The following GRID2 variants were observed in gnomAD, a reference collection of about 807,000 sequenced individuals.
GRID2 encodes glutamate ionotropic receptor delta type subunit 2.
Under a neutral mutation model 114.8 loss-of-function variants are expected in GRID2, and 33 were observed. The ratio of observed to expected loss-of-function variants is 0.29; its 90% confidence interval spans 0.22 to 0.38. The LOEUF (loss-of-function observed/expected upper bound fraction) is 0.38, where lower values mean the gene tolerates loss of function less well. GRID2 is among the 10% of genes least tolerant of loss of function. The probability of loss-of-function intolerance (pLI) is 1.00; values close to 1 mark genes in which losing one functional copy is unlikely to be tolerated. For synonymous variants in GRID2, 505 were observed against 449.9 expected (o/e 1.12, Z -1.55); for missense variants, 1,184 against 1,257.7 (o/e 0.94, Z 0.89).
intron 1 of GRID2, among the ~76,000 whole-genome samples, chr4:93,788,791 T>C (rs1031331101): frequency 6.6e-6 from 1 of 152,208 alleles, no homozygotes; most frequent in African/African-American, 2.4e-5. Context: ...CAGCACTTCA[T>C]CAATATCACT....
chr4:93,557,682 G>A (rs1480886532), intron 13 of GRID2, among the ~76,000 whole-genome samples: 4 of 152,132 alleles, frequency 2.6e-5, no homozygotes, highest in African/African-American at 9.7e-5. Context: ...ACATCAACAG[G>A]ACAGAAAGTT....
intron 2 of GRID2, among the ~76,000 whole-genome samples, chr4:92,831,199 T>C (rs1742077036): frequency 1.3e-5 from 2 of 152,194 alleles, no homozygotes; most frequent in South Asian, 4.1e-4. Context: ...AATATCATCA[T>C]TTTATGTCTA....
At chr4:93,115,525 G>T (rs1272043045) in intron 4 of GRID2, among the ~76,000 whole-genome samples, 1 of 151,876 alleles carries the variant, frequency 6.6e-6, no homozygotes, top group Non-Finnish European at 1.5e-5. Context: ...TGAGACATAC[G>T]ATGTGTTCCT....
intron 1 of GRID2, among the ~76,000 whole-genome samples, chr4:92,559,252 C>T (rs1171757090): frequency 2.6e-5 from 4 of 152,128 alleles, no homozygotes; most frequent in Admixed American, 6.6e-5. Context: ...AAACATCAGA[C>T]TATCAAATAT....
At chr4:93,037,467 G>T (rs919183319) in intron 2 of GRID2, among the ~76,000 whole-genome samples, 1 of 152,028 alleles carries the variant, frequency 6.6e-6, no homozygotes. Context: ...ATCTATTTTG[G>T]CTTTTGTTGC....
chr4:92,514,479 A>G (rs563196570), intron 1 of GRID2, among the ~76,000 whole-genome samples: 2 of 151,996 alleles, frequency 1.3e-5, no homozygotes, highest in Admixed American at 1.3e-4. Flanking sequence ...AACTAAATGA[A>G]AAGAAAGTCT....
At chr4:93,126,872 C>A (rs1734328377) in intron 4 of GRID2, among the ~76,000 whole-genome samples, 1 of 152,122 alleles carries the variant, frequency 6.6e-6, no homozygotes, top group Admixed American at 6.5e-5. Flanking sequence ...GCTGGGATTA[C>A]AGGCGTGAGC....
intron 2 of GRID2, among the ~76,000 whole-genome samples, chr4:92,684,605 T>C (rs1733811454): frequency 6.6e-6 from 1 of 152,042 alleles, no homozygotes; most frequent in Non-Finnish European, 1.5e-5. Flanking sequence ...ATTCCAATTA[T>C]TTGTATTTAG....
intron 1 of GRID2, among the ~76,000 whole-genome samples, chr4:92,560,160 TGGA>T (rs1358191561): frequency 6.6e-6 from 1 of 152,166 alleles, no homozygotes; most frequent in Non-Finnish European, 1.5e-5. Context: ...AGGATAAATG[TGGA>T]GAAGAAAGGA....
intron 6 of GRID2, among the ~76,000 whole-genome samples, chr4:93,222,441 A>G (rs948089298): frequency 6.6e-6 from 1 of 151,152 alleles, no homozygotes; most frequent in South Asian, 2.1e-4. Context: ...TGCTACCCCA[A>G]CAATCTTTTT....
At chr4:93,465,173 C>A (rs1724147921) in intron 11 of GRID2, among the ~76,000 whole-genome samples, 1 of 152,224 alleles carries the variant, frequency 6.6e-6, no homozygotes, top group Middle Eastern at 3.4e-3. Flanking sequence ...ATGGAATTCA[C>A]AGATATCCTG....
chr4:93,672,204 C>T (rs1364187220), intron 14 of GRID2, among the ~76,000 whole-genome samples: 3 of 152,158 alleles, frequency 2.0e-5, no homozygotes, highest in East Asian at 1.9e-4. Flanking sequence ...CCCATAATTC[C>T]CTGCTCAAAC....
intron 2 of GRID2, among the ~76,000 whole-genome samples, chr4:92,739,403 CA>C (rs1736761429): frequency 6.6e-6 from 1 of 152,080 alleles, no homozygotes; most frequent in Non-Finnish European, 1.5e-5. Flanking sequence ...TGTCTTTAAA[CA>C]CACTTTAAAC....
At chr4:93,438,307 G>A (rs1264375825) in intron 10 of GRID2, among the ~76,000 whole-genome samples, 2 of 152,132 alleles carry the variant, frequency 1.3e-5, no homozygotes, top group African/African-American at 4.8e-5. Context: ...GGGCCGAATG[G>A]CAGCTTCTGC....
At chr4:93,163,598 C>G (rs1189000287) in intron 4 of GRID2, among the ~76,000 whole-genome samples, 1 of 147,892 alleles carries the variant, frequency 6.8e-6, no homozygotes, top group African/African-American at 2.5e-5. Context: ...AAAAATTTAG[C>G]AGAATTTAAA....
At chr4:92,717,624 A>C (rs1186391405) in intron 2 of GRID2, among the ~76,000 whole-genome samples, 2 of 152,206 alleles carry the variant, frequency 1.3e-5, no homozygotes, top group African/African-American at 4.8e-5. Flanking sequence ...TAATGTAATA[A>C]ATGTATTTTG....
intron 13 of GRID2, among the ~76,000 whole-genome samples, chr4:93,611,795 A>C (rs1313483420): frequency 1.3e-5 from 2 of 150,472 alleles, no homozygotes; most frequent in African/African-American, 2.5e-5. Flanking sequence ...TATTCTGTTG[A>C]TTTGGGGTGG....
intron 2 of GRID2, among the ~76,000 whole-genome samples, chr4:92,706,632 T>C (rs899815504): frequency 1.3e-4 from 20 of 152,134 alleles, no homozygotes. Flanking sequence ...TGGGCAGAGA[T>C]AGTAGAATAC....
At chr4:93,159,663 T>G (rs947360726) in intron 4 of GRID2, among the ~76,000 whole-genome samples, 8 of 149,528 alleles carry the variant, frequency 5.4e-5, no homozygotes, top group Admixed American at 4.7e-4. Flanking sequence ...ACACTGAAAA[T>G]AAGACAGATA....
Sources: gnomAD v4.1 joint callset for allele counts (sites outside exome capture counted in the v4.1 genomes callset) on GRCh38, gnomAD v4.1.1 for gene constraint, MANE v1.5 for transcripts, NCBI Gene and HGNC (gene_info 2026-07-23, HGNC 2026-07-21) for gene names.